The following DLG2 variants were observed in gnomAD, a reference collection of about 807,000 sequenced individuals.
DLG2 encodes disks large homolog 2.
In DLG2, 45 loss-of-function variants were observed where a neutral mutation model predicts 132.5. That is an observed-to-expected ratio of 0.34 (90% CI 0.27 to 0.44). DLG2 has a LOEUF of 0.44. DLG2 is among the 20% of genes least tolerant of loss of function. The pLI is 1.00. For synonymous variants in DLG2, 424 were observed against 419.6 expected, an observed-to-expected ratio of 1.01 and a Z score of -0.13; for missense variants, 1,045 against 1,196.9, an observed-to-expected ratio of 0.87 and a Z score of 1.87.
chr11:83,466,527 G>A (rs547665040), intron 26 of DLG2, among the ~76,000 whole-genome samples, 181 bp downstream of exon 26: 2 of 152,302 alleles, frequency 1.3e-5, no homozygotes, highest in Non-Finnish European at 2.9e-5. Flanking sequence ...AGAAATCACT[G>A]ACATTATGTT....
intron 19 of DLG2, 93 bp downstream of exon 19, chr11:83,633,118 G>A (rs1190533769): frequency 3.8e-5 from 42 of 1,114,802 alleles, no homozygotes; most frequent in Non-Finnish European, 5.7e-5. Flanking sequence ...TGGGTTAAGT[G>A]GGACACATGT....
At chr11:84,267,242 T>C (rs1229838224) in intron 7 of DLG2, among the ~76,000 whole-genome samples, 2 of 151,480 alleles carry the variant, frequency 1.3e-5, no homozygotes, top group African/African-American at 4.9e-5. Context: ...TAGATTAAAG[T>C]AGTTGGTAAG....
At chr11:85,410,944 A>C (rs1393420326) in intron 3 of DLG2, among the ~76,000 whole-genome samples, 1 of 151,870 alleles carries the variant, frequency 6.6e-6, no homozygotes, top group Admixed American at 6.6e-5. Flanking sequence ...AAACCAAAGA[A>C]AACAAAGCCA....
chr11:85,305,843 A>C (rs894651516), intron 3 of DLG2, among the ~76,000 whole-genome samples: 6 of 152,196 alleles, frequency 3.9e-5, no homozygotes. Flanking sequence ...GTGAAAGGAA[A>C]ACACAAAAAT....
At chr11:85,053,342 A>T (rs1566741987) in intron 6 of DLG2, among the ~76,000 whole-genome samples, 1 of 152,152 alleles carries the variant, frequency 6.6e-6, no homozygotes, top group Non-Finnish European at 1.5e-5. Context: ...TACCTCTCTG[A>T]GACTAATTTG....
At chr11:84,794,756 C>T (rs1301320076) in intron 6 of DLG2, among the ~76,000 whole-genome samples, 1 of 152,242 alleles carries the variant, frequency 6.6e-6, no homozygotes, top group East Asian at 1.9e-4. Flanking sequence ...CACAACCCAA[C>T]TGGGTGTGCA....
intron 4 of DLG2, among the ~76,000 whole-genome samples, chr11:85,241,602 T>C (rs751554336): frequency 6.6e-6 from 1 of 151,974 alleles, no homozygotes; most frequent in Non-Finnish European, 1.5e-5. Context: ...GGATATAAAA[T>C]TCAAAGTTCT....
intron 6 of DLG2, among the ~76,000 whole-genome samples, chr11:84,555,506 A>C (rs1365180246): frequency 6.6e-6 from 1 of 152,226 alleles, no homozygotes; most frequent in African/African-American, 2.4e-5. Flanking sequence ...ATTTTGTCAC[A>C]AGCTACAATA....
chr11:85,497,030 GA>G (rs1384249764), intron 3 of DLG2, among the ~76,000 whole-genome samples: 1 of 151,830 alleles, frequency 6.6e-6, no homozygotes, highest in Non-Finnish European at 1.5e-5. Flanking sequence ...TCCTCCAAAG[GA>G]AAACAACTCC....
intron 7 of DLG2, among the ~76,000 whole-genome samples, chr11:84,395,866 G>T (rs1041814418): frequency 2.0e-5 from 3 of 152,204 alleles, no homozygotes; most frequent in Admixed American, 2.0e-4. Flanking sequence ...AGGGATGGTT[G>T]GTCCAAGAAA....
intron 18 of DLG2, 76 bp downstream of exon 18, chr11:83,786,614 T>C (rs374418271): frequency 3.6e-5 from 47 of 1,316,342 alleles, no homozygotes; most frequent in East Asian, 3.0e-4. Flanking sequence ...CTCTAGTTAA[T>C]AAAAATTATT....
At chr11:84,714,276 A>G (rs2060770723) in intron 6 of DLG2, among the ~76,000 whole-genome samples, 1 of 152,144 alleles carries the variant, frequency 6.6e-6, no homozygotes, top group South Asian at 2.1e-4. Flanking sequence ...GCATAATGAT[A>G]TATGAATTGA....
At chr11:84,254,513 A>C (rs765191493) in intron 7 of DLG2, among the ~76,000 whole-genome samples, 6 of 152,230 alleles carry the variant, frequency 3.9e-5, no homozygotes, top group Non-Finnish European at 7.3e-5. Context: ...AAAGTATAGA[A>C]GTAGGTATAA....
intron 18 of DLG2, among the ~76,000 whole-genome samples, chr11:83,734,148 T>G (rs2153704910): frequency 6.6e-6 from 1 of 152,298 alleles, no homozygotes; most frequent in Admixed American, 6.5e-5. Context: ...GACAGAAATA[T>G]CTCTACATCT....
chr11:85,522,681 G>A (rs1018273169), intron 3 of DLG2, among the ~76,000 whole-genome samples: 1 of 152,216 alleles, frequency 6.6e-6, no homozygotes, highest in Admixed American at 6.5e-5. Context: ...TGGAGTCAAA[G>A]GAGATCACTG....
At chr11:85,332,481 A>G (rs776744628) in intron 3 of DLG2, among the ~76,000 whole-genome samples, 1 of 151,878 alleles carries the variant, frequency 6.6e-6, no homozygotes, top group Non-Finnish European at 1.5e-5. Flanking sequence ...CCTCTTGTCT[A>G]TTTTTTCTTT....
intron 9 of DLG2, among the ~76,000 whole-genome samples, chr11:84,100,552 T>C (rs985702345): frequency 3.9e-5 from 6 of 151,904 alleles, no homozygotes; most frequent in African/African-American, 1.4e-4. Flanking sequence ...TAAATATTCG[T>C]CTTAAATGGC....
intron 7 of DLG2, among the ~76,000 whole-genome samples, chr11:84,394,135 C>T (rs926751073): frequency 6.6e-6 from 1 of 152,150 alleles, no homozygotes; most frequent in Non-Finnish European, 1.5e-5. Flanking sequence ...CCTCAGCCTC[C>T]CAAAGTGCTG....
chr11:85,465,004 G>A (rs1328835152), intron 3 of DLG2, among the ~76,000 whole-genome samples: 1 of 140,108 alleles, frequency 7.1e-6, no homozygotes, highest in Non-Finnish European at 1.5e-5. Context: ...AACCTAGGAG[G>A]TGGAGGTTGT....
Sources: gnomAD v4.1 joint callset for allele counts (sites outside exome capture counted in the v4.1 genomes callset) on GRCh38, gnomAD v4.1.1 for gene constraint, MANE v1.5 for transcripts, NCBI Gene and HGNC (gene_info 2026-07-23, HGNC 2026-07-21) for gene names.